Variants in MYH10 observed in about 807,000 individuals in gnomAD.
The protein encoded by MYH10 is myosin heavy chain 10.
Under a neutral mutation model 257.8 loss-of-function variants are expected in MYH10, and 55 were observed. The ratio of observed to expected loss-of-function variants is 0.21; its 90% CI spans 0.17 to 0.27. MYH10 has a LOEUF of 0.27. MYH10 is among the 10% of genes least tolerant of loss of function. MYH10 has a pLI of 1.00. For synonymous variants in MYH10, 854 were observed against 921.7 expected (o/e 0.93, Z 1.33); for missense variants, 1,631 against 2,500.6 (o/e 0.65, Z 7.42).
At position 8,506,628 on chromosome 17, in the gene MYH10, G is replaced by A. The variant is rs1278138549; in HGVS notation, c.3215-139C>T. 7.1e-6 allele frequency: 6 copies of A among 844,030 alleles called. No individual in the cohort carries two copies. The highest frequency in any genetic ancestry group is 6.1e-5 in the Admixed American group (2 of 32,758). The allele number at this position is 844,030 out of a possible 1,614,324, so 52.3% of individuals were successfully genotyped here. On this transcript the variant is annotated intron_variant, in intron 26 of 42. Coordinates refer to ENST00000360416, the MANE Select transcript of MYH10 (RefSeq NM_001256012.3). The surrounding 1 kb of genome is among the most constrained non-coding windows in gnomAD (Gnocchi z 5.0). ...CACTGCCCTGATGACATGGTCATGC[G>A]CTGATGTCAACTGCTCAGTCATTTC...
intron 30 of MYH10, among the ~76,000 whole-genome samples, chr17:8,498,804 C>T (rs532822893): frequency 2.4e-4 from 36 of 151,926 alleles, no homozygotes; most frequent in Non-Finnish European, 4.3e-4. Flanking sequence ...GCAGAGATTG[C>T]GCCACTGCAC....
At chr17:8,613,604 G>A (rs970519854) in intron 2 of MYH10, among the ~76,000 whole-genome samples, 3 of 152,128 alleles carry the variant, frequency 2.0e-5, no homozygotes, top group Admixed American at 1.3e-4. Flanking sequence ...CTAACACGAG[G>A]TGAAAAGACA....
rs1215637476 is a variant in MYH10 at position 8,492,435 on chromosome 17, C to T, written c.4533G>A (p.Glu1511=). 2 of 1,613,062 alleles carry T rather than the reference C, an allele frequency of 1.2e-6. No homozygotes were observed. The highest frequency in any genetic ancestry group is 2.2e-5 in the South Asian group (2 of 91,088). Residue 1511 remains glutamate (E), a synonymous_variant, in exon 34 of 43, where the codon GAG becomes GAA. Coordinates refer to ENST00000360416, the MANE Select transcript of MYH10 (RefSeq NM_001256012.3). The stretch of plus-strand genomic sequence containing the variant: ...CCAGTGACAGGGCTTTGGTTTCTTT[C>T]TCTCTGGCCTCGGCTTCGGCCCGGT... ...ERDRAEAEAR[E]KETKALSLAR...
intron 9 of MYH10, among the ~76,000 whole-genome samples, chr17:8,549,521 T>G (rs149580013): frequency 8.5e-5 from 13 of 152,354 alleles, no homozygotes; most frequent in Non-Finnish European, 1.6e-4. Context: ...ATAACAGATA[T>G]GCAAATATGC....
chr17:8,612,105 G>A (rs901620384), intron 2 of MYH10, among the ~76,000 whole-genome samples: 6 of 152,184 alleles, frequency 3.9e-5, no homozygotes, highest in Admixed American at 1.3e-4. Flanking sequence ...TGCACAGACC[G>A]TGAATTATCC....
At chr17:8,540,672 C>A (rs2082267623) in intron 14 of MYH10, among the ~76,000 whole-genome samples, 1 of 152,118 alleles carries the variant, frequency 6.6e-6, no homozygotes, top group Non-Finnish European at 1.5e-5. Context: ...ACTGCAGGTA[C>A]ATAATCATTA....
At chr17:8,586,264 T>G (rs963351509) in intron 4 of MYH10, among the ~76,000 whole-genome samples, 1 of 152,228 alleles carries the variant, frequency 6.6e-6, no homozygotes, top group African/African-American at 2.4e-5. Context: ...GAGACACTCA[T>G]CACTGAGTAC....
At chr17:8,625,989 G>A (rs1461364660) in intron 1 of MYH10, among the ~76,000 whole-genome samples, 2 of 152,128 alleles carry the variant, frequency 1.3e-5, no homozygotes, top group African/African-American at 2.4e-5. Context: ...ATGTCTTAAA[G>A]GTTATAGACT....
intron 2 of MYH10, among the ~76,000 whole-genome samples, chr17:8,606,336 C>T (rs1257181200): frequency 1.3e-5 from 2 of 152,170 alleles, no homozygotes; most frequent in African/African-American, 2.4e-5. Flanking sequence ...CTGACAGATG[C>T]TCTAACCCTC....
At chr17:8,546,757 A>G (rs1483741466) in intron 11 of MYH10, 95 bp from the exon 12 acceptor site, 8 of 834,734 alleles carry the variant, frequency 9.6e-6, no homozygotes, top group Non-Finnish European at 1.1e-5. Flanking sequence ...AGTAACAATT[A>G]AATTGTATTA....
At chr17:8,592,824 A>G (rs1227328391) in intron 3 of MYH10, among the ~76,000 whole-genome samples, 1 of 22,682 alleles carries the variant, frequency 4.4e-5, no homozygotes, top group African/African-American at 1.6e-4. Context: ...CAGAAAAAAA[A>G]AAAAAAAAAA....
At chr17:8,584,723 T>C (rs2152036243) in intron 4 of MYH10, among the ~76,000 whole-genome samples, 1 of 152,346 alleles carries the variant, frequency 6.6e-6, no homozygotes, top group Non-Finnish European at 1.5e-5. Flanking sequence ...TTAAAGGGGC[T>C]TGCATTCCTC....
At chr17:8,628,196 C>T (rs140115998) in intron 1 of MYH10, among the ~76,000 whole-genome samples, 1 of 152,068 alleles carries the variant, frequency 6.6e-6, no homozygotes, top group Non-Finnish European at 1.5e-5. Context: ...TTTTTGTTAG[C>T]GAACATAAAG....
At chr17:8,526,486 G>A (rs983664792) in intron 17 of MYH10, among the ~76,000 whole-genome samples, 1 of 152,088 alleles carries the variant, frequency 6.6e-6, no homozygotes, top group African/African-American at 2.4e-5. Flanking sequence ...GATTGCTGGG[G>A]GGCATTTAAA....
rs2151966077 is a variant in MYH10 at position 8,552,941 on chromosome 17, T to A, written c.821-797A>T. Among the ~76,000 whole-genome samples the A allele has an allele frequency of 6.6e-6, 1 of 152,300 alleles. No homozygotes were observed. Among genetic ancestry groups the A allele is most frequent in the Non-Finnish European group, 1.5e-5 (1 of 68,018 alleles). On this transcript the variant is annotated intron_variant, in intron 8 of 42. Transcript: ENST00000360416. This position sits in a 1 kb window ranked among gnomAD's most constrained non-coding sequence, Gnocchi z 4.8. ...CTTATCTGGGGCTCAGATCCACAGT[T>A]CTTGATGCTCCCGGAGTTCCTATGG...
rs570040723 is a variant in MYH10, at chr17:8,630,421, A to C, written c.-32+233T>G. Reference sequence around the variant, plus strand: ...TCCGGGAGTCTCTCCATCTCCACCCACTGAGGTCCCAGTGCCCCCAGCCCA... The same window carrying C: ...TCCGGGAGTCTCTCCATCTCCACCCCCTGAGGTCCCAGTGCCCCCAGCCCA... On this transcript the variant is annotated intron_variant, in intron 1 of 42. Transcript: ENST00000360416. 3.3e-5 allele frequency among the ~76,000 whole-genome samples: 5 copies of C among 150,800 alleles called. No individual in the cohort carries two copies. The South Asian group carries it at 1.1e-3, about 32-fold the overall frequency.
chr17:8,609,432 GA>G (rs897371079), intron 2 of MYH10, among the ~76,000 whole-genome samples: 25 of 150,404 alleles, frequency 1.7e-4, no homozygotes, highest in Non-Finnish European at 3.0e-4. Context: ...TGCAAATTTT[GA>G]AAAAAAACCT....
chr17:8,526,614 G>C lies in MYH10; in HGVS notation c.1957+4009C>G, dbSNP rs570049516. On this transcript the variant is annotated intron_variant, in intron 17 of 42. Transcript: ENST00000360416. ...ATGAGTTCCAGACTGAAATCTGTGA[G>C]GACATATTCGCATAGCTTTAAGAGA... is the stretch of plus-strand genomic sequence containing the variant. 1.1e-4 allele frequency among the ~76,000 whole-genome samples: 13 copies of C among 122,504 alleles called. No homozygotes were observed. In the South Asian group the frequency reaches 3.0e-3, roughly 28 times the overall value. 80.4% of individuals were successfully genotyped at this position (122,504 alleles called of 152,430 possible).
At chr17:8,570,327 G>A (rs2083293734) in intron 6 of MYH10, among the ~76,000 whole-genome samples, 1 of 152,172 alleles carries the variant, frequency 6.6e-6, no homozygotes, top group Non-Finnish European at 1.5e-5. Context: ...CACTTTCAGA[G>A]GATGGTAAAG....
Sources: allele counts gnomAD v4.1 joint callset (sites outside exome capture counted in the v4.1 genomes callset), GRCh38; gene constraint gnomAD v4.1.1; non-coding constraint Gnocchi (gnomAD v3.1); transcripts MANE v1.5; gene names NCBI Gene and HGNC (gene_info 2026-07-23, HGNC 2026-07-21).